ZC3H12C: variants seen among roughly 807,000 people sequenced by gnomAD.
The protein encoded by ZC3H12C is probable ribonuclease ZC3H12C.
A neutral mutation model predicts 76.3 loss-of-function variants in ZC3H12C; 20 were observed. The ratio of observed to expected loss-of-function variants is 0.26; its 90% CI spans 0.18 to 0.38. The LOEUF (loss-of-function observed/expected upper bound fraction) is 0.38, where lower values mean the gene tolerates loss of function less well. Among genes scored for constraint, ZC3H12C ranks in the 10% least tolerant of loss-of-function variants. The pLI is 1.00. For synonymous variants in ZC3H12C, 352 were observed against 399.6 expected, an observed-to-expected ratio of 0.88 and a Z score of 1.42; for missense variants, 874 against 1,086.5, an observed-to-expected ratio of 0.80 and a Z score of 2.75.
At position 110,106,192 on chromosome 11, in the gene ZC3H12C, C is replaced by T. The variant is rs1040952502; in HGVS notation, c.21+12760C>T. Among the ~76,000 whole-genome samples the T allele has an allele frequency of 2.3e-4, 9 of 39,202 alleles. 4 individuals carry two copies. Among genetic ancestry groups the T allele is most frequent in the Admixed American group, 1.2e-3 (4 of 3,344 alleles). 25.7% of individuals were successfully genotyped at this position (39,202 alleles called of 152,430 possible). A position where few individuals can be genotyped will look rare whatever the true frequency, so the allele number is the denominator to read the frequency against. ...CTGAGGCAGGAGAATGGCGTGAACC[C>T]GGGAGGCGGAGCTTGCAGTGAGCCG... is the stretch of plus-strand genomic sequence containing the variant. On this transcript the variant is annotated intron_variant, in intron 1 of 5. Transcript: ENST00000278590.
intron 1 of ZC3H12C, chr11:110,130,919 T>G: frequency 4.3e-4 from 455 of 1,056,868 alleles, no homozygotes; most frequent in Middle Eastern, 8.3e-4. Context: ...CAACTAATTG[T>G]GAGCTTTCTG....
chr11:110,115,868 C>T (rs1206598402), intron 1 of ZC3H12C, among the ~76,000 whole-genome samples: 1 of 150,768 alleles, frequency 6.6e-6, no homozygotes, highest in Non-Finnish European at 1.5e-5. Context: ...TCAAGCGATT[C>T]TCCTGCCTCA....
At chr11:110,101,116 A>G (rs575673840) in intron 1 of ZC3H12C, among the ~76,000 whole-genome samples, 3 of 152,318 alleles carry the variant, frequency 2.0e-5, no homozygotes, top group African/African-American at 4.8e-5. Flanking sequence ...TGGATAGACA[A>G]TCAAGCCAGC....
At chr11:110,119,092 G>T (rs1245318398) in intron 1 of ZC3H12C, among the ~76,000 whole-genome samples, 2 of 152,110 alleles carry the variant, frequency 1.3e-5, no homozygotes, top group Non-Finnish European at 2.9e-5. Flanking sequence ...TGCACACAGG[G>T]TACCCAATAT....
chr11:110,112,719 G>A (rs962411577), intron 1 of ZC3H12C, among the ~76,000 whole-genome samples: 3 of 152,166 alleles, frequency 2.0e-5, no homozygotes, highest in African/African-American at 7.2e-5. Context: ...AGTCAGTCCT[G>A]GCTCACTGGG....
chr11:110,155,374 G>A (rs578075503), intron 3 of ZC3H12C, among the ~76,000 whole-genome samples: 6 of 152,000 alleles, frequency 3.9e-5, no homozygotes, highest in South Asian at 2.1e-4. Context: ...ATAGGCTGCT[G>A]TGGAAATTGT....
At chr11:110,119,192 A>C (rs1382783057) in intron 1 of ZC3H12C, among the ~76,000 whole-genome samples, 1 of 152,206 alleles carries the variant, frequency 6.6e-6, no homozygotes, top group Admixed American at 6.5e-5. Flanking sequence ...AAGTAAGCCC[A>C]AGTTGATAAG....
At chr11:110,127,471 TG>T in intron 1 of ZC3H12C, among the ~76,000 whole-genome samples, 1 of 152,308 alleles carries the variant, frequency 6.6e-6, no homozygotes, top group East Asian at 1.9e-4. Context: ...TTGTTGGTGG[TG>T]GTGGTTGCTT....
chr11:110,136,413 A>T lies in ZC3H12C; in HGVS notation c.22-250A>T, dbSNP rs528276213. 95 of 398,090 alleles carry T rather than the reference A, an allele frequency of 2.4e-4. 1 individual carries two copies. The highest frequency in any genetic ancestry group is 1.4e-3 in the Middle Eastern group (2 of 1,454). 24.7% of individuals were successfully genotyped at this position (398,090 alleles called of 1,614,324 possible). ...GTTTTAGAATCAGACGAAACTGGGT[A>T]AAAAAATACAGTTCTACTACTTATT... On this transcript the variant is annotated intron_variant, in intron 1 of 5. Transcript: ENST00000278590.
chr11:110,112,109 T>C (rs979068264), intron 1 of ZC3H12C, among the ~76,000 whole-genome samples: 3 of 152,164 alleles, frequency 2.0e-5, no homozygotes, highest in African/African-American at 7.2e-5. Flanking sequence ...TGTATTTACA[T>C]CCCCTCCTCA....
chr11:110,126,659 C>T (rs1232676450), intron 1 of ZC3H12C, among the ~76,000 whole-genome samples: 1 of 152,112 alleles, frequency 6.6e-6, no homozygotes, highest in Non-Finnish European at 1.5e-5. Context: ...TAAGAAATGG[C>T]AGAGATGGCC....
intron 1 of ZC3H12C, among the ~76,000 whole-genome samples, chr11:110,108,992 A>C (rs10789751): frequency 0.7 from 107,067 of 152,090 alleles, 37,963 homozygotes; most frequent in East Asian, 0.89. Flanking sequence ...ATAGAATAAA[A>C]CCTACCTGGT....
Position 110,167,234 on chromosome 11 carries a change from C to A in ZC3H12C, c.*1497C>A, listed in dbSNP as rs1038714134. 6.6e-6 allele frequency: 1 copy of A among 152,110 alleles called. No individual in the cohort carries two copies. The highest frequency in any genetic ancestry group is 1.5e-5 in the Non-Finnish European group (1 of 68,014). 9.4% of individuals were successfully genotyped at this position (152,110 alleles called of 1,614,324 possible). On this transcript the variant is annotated 3_prime_UTR_variant, in exon 6 of 6. Coordinates refer to ENST00000278590, the MANE Select transcript of ZC3H12C (RefSeq NM_033390.2). The stretch of plus-strand genomic sequence containing the variant: ...CTACATGCTACAGTTTGAAGTGAAG[C>A]CCTGAAAAACCAGAAAGTACCTTTT...
chr11:110,100,313 G>T (rs1451160648), intron 1 of ZC3H12C, among the ~76,000 whole-genome samples: 2 of 151,142 alleles, frequency 1.3e-5, no homozygotes, highest in East Asian at 3.9e-4. Context: ...CAAAGTGCTG[G>T]GATTACAGGC....
intron 1 of ZC3H12C, among the ~76,000 whole-genome samples, chr11:110,114,485 C>T (rs959359793): frequency 1.1e-4 from 16 of 152,138 alleles, no homozygotes; most frequent in African/African-American, 3.6e-4. Flanking sequence ...ATGTTTGTAA[C>T]CTCCGTCTTT....
At chr11:110,105,107 T>C (rs1390107749) in intron 1 of ZC3H12C, among the ~76,000 whole-genome samples, 1 of 152,236 alleles carries the variant, frequency 6.6e-6, no homozygotes, top group East Asian at 1.9e-4. Flanking sequence ...CCTTATTCCG[T>C]GATTTAATCT....
intron 1 of ZC3H12C, among the ~76,000 whole-genome samples, chr11:110,117,923 T>TAC (rs199717962): frequency 3.7e-5 from 2 of 54,056 alleles, no homozygotes; most frequent in Non-Finnish European, 9.0e-5. Context: ...ATTATATATA[T>TAC]ACACACACAC....
chr11:110,101,355 GA>G (rs1448124357), intron 1 of ZC3H12C, among the ~76,000 whole-genome samples: 1 of 152,126 alleles, frequency 6.6e-6, no homozygotes, highest in Non-Finnish European at 1.5e-5. Context: ...TTTTTCTATA[GA>G]CTAAACAGCT....
At position 110,168,241 on chromosome 11, in the gene ZC3H12C, A is replaced by G. The variant is rs1862614849; in HGVS notation, c.*2504A>G. Reference sequence around the variant, plus strand: ...CCTCTACTGAAGTGAGTAGCTCTGAACTACCCACACTAAATCCTTCAGTGT... The same window carrying G: ...CCTCTACTGAAGTGAGTAGCTCTGAGCTACCCACACTAAATCCTTCAGTGT... On this transcript the variant is annotated 3_prime_UTR_variant, in exon 6 of 6. Transcript: ENST00000278590. The G allele has an allele frequency of 6.6e-6, 1 of 152,154 alleles. No homozygotes were observed. The highest frequency in any genetic ancestry group is 2.1e-4 in the South Asian group (1 of 4,832). The allele number at this position is 152,154 out of a possible 1,614,324, so 9.4% of individuals were successfully genotyped here. A position where few individuals can be genotyped will look rare whatever the true frequency, so the allele number is the denominator to read the frequency against.
Sources: allele counts gnomAD v4.1 joint callset (sites outside exome capture counted in the v4.1 genomes callset), GRCh38; gene constraint gnomAD v4.1.1; transcripts MANE v1.5; gene names NCBI Gene and HGNC (gene_info 2026-07-23, HGNC 2026-07-21).